ZCCHC7: variants seen among roughly 807,000 people sequenced by gnomAD.
The protein encoded by ZCCHC7 is zinc finger CCHC-type containing 7, also known as zinc finger CCHC domain-containing protein 7.
In ZCCHC7, 35 loss-of-function variants were observed where a neutral mutation model predicts 52.0. The observed-to-expected ratio is 0.67, with a 90% CI of 0.51 to 0.89. The LOEUF (loss-of-function observed/expected upper bound fraction) is 0.89. ZCCHC7 is among the 40% of genes least tolerant of loss of function. The pLI is 0.00. For synonymous variants in ZCCHC7, 217 were observed against 221.5 expected, an observed-to-expected ratio of 0.98 and a Z score of 0.18; for missense variants, 574 against 649.1, an observed-to-expected ratio of 0.88 and a Z score of 1.26.
At chr9:37,318,523 TTAAG>T (rs1416154078) in intron 5 of ZCCHC7, among the ~76,000 whole-genome samples, 2 of 151,976 alleles carry the variant, frequency 1.3e-5, no homozygotes, top group African/African-American at 2.4e-5. Flanking sequence ...TGCTAGTACA[TTAAG>T]TAAAACACAC....
chr9:37,337,082 A>C, intron 6 of ZCCHC7, among the ~76,000 whole-genome samples: 1 of 152,222 alleles, frequency 6.6e-6, no homozygotes, highest in East Asian at 1.9e-4. Context: ...TGATTAATGA[A>C]CTTTCTGATG....
intron 2 of ZCCHC7, among the ~76,000 whole-genome samples, chr9:37,156,628 A>G (rs748441444): frequency 2.6e-5 from 4 of 152,252 alleles, no homozygotes; most frequent in Non-Finnish European, 2.9e-5. Flanking sequence ...AATTCTTTAT[A>G]AAATAAATCA....
intron 2 of ZCCHC7, among the ~76,000 whole-genome samples, chr9:37,226,522 T>C (rs1369351752): frequency 1.3e-5 from 2 of 152,190 alleles, no homozygotes; most frequent in Admixed American, 1.3e-4. Flanking sequence ...GATTAGTATG[T>C]AGATGTATGG....
chr9:37,178,357 A>G (rs4878677), intron 2 of ZCCHC7, among the ~76,000 whole-genome samples: 119,734 of 119,998 alleles, frequency 1, 59,735 homozygotes, highest in Middle Eastern at 1. Context: ...TTGTACCCCC[A>G]CCTCCCCTCT....
chr9:37,228,594 C>G (rs966181101), intron 2 of ZCCHC7, among the ~76,000 whole-genome samples: 1 of 151,842 alleles, frequency 6.6e-6, no homozygotes, highest in African/African-American at 2.4e-5. Context: ...CCAGACTGGT[C>G]TTAAACTCAA....
intron 2 of ZCCHC7, among the ~76,000 whole-genome samples, chr9:37,291,311 A>G (rs1828525977): frequency 1.3e-5 from 2 of 152,038 alleles, no homozygotes; most frequent in Admixed American, 1.3e-4. Context: ...GGATATTGGT[A>G]GATGTTTTTT....
At chr9:37,241,901 G>C (rs893574506) in intron 2 of ZCCHC7, among the ~76,000 whole-genome samples, 1 of 151,752 alleles carries the variant, frequency 6.6e-6, no homozygotes, top group Non-Finnish European at 1.5e-5. Context: ...CCCTAAGTCA[G>C]TAGTGGCTCA....
intron 2 of ZCCHC7, among the ~76,000 whole-genome samples, chr9:37,180,029 A>T (rs1822263271): frequency 6.6e-6 from 1 of 152,168 alleles, no homozygotes; most frequent in Non-Finnish European, 1.5e-5. Flanking sequence ...AAGGAGAAAG[A>T]TAGGAAAAAC....
At chr9:37,290,647 G>A (rs1182667650) in intron 2 of ZCCHC7, among the ~76,000 whole-genome samples, 1 of 152,074 alleles carries the variant, frequency 6.6e-6, no homozygotes, top group Non-Finnish European at 1.5e-5. Flanking sequence ...GCGACAGAGT[G>A]AGACTCTGTC....
intron 2 of ZCCHC7, among the ~76,000 whole-genome samples, chr9:37,187,609 C>T (rs929298882): frequency 2.0e-5 from 3 of 152,158 alleles, no homozygotes; most frequent in African/African-American, 7.2e-5. Context: ...ATTGTTTCTA[C>T]TTCGGGAGAT....
At chr9:37,327,720 T>C in intron 5 of ZCCHC7, 79 bp from the exon 6 acceptor site, 1 of 1,508,268 alleles carries the variant, frequency 6.6e-7, no homozygotes, top group Non-Finnish European at 9.2e-7. Context: ...CACCGGTGGA[T>C]GCTGGGTTAT....
chr9:37,336,080 A>T (rs1042319927), intron 6 of ZCCHC7, among the ~76,000 whole-genome samples: 1 of 152,294 alleles, frequency 6.6e-6, no homozygotes, highest in South Asian at 2.1e-4. Context: ...GGCTTATGTT[A>T]ATCAGATAAG....
intron 5 of ZCCHC7, among the ~76,000 whole-genome samples, chr9:37,317,083 A>C (rs1222545804): frequency 6.6e-6 from 1 of 152,194 alleles, no homozygotes; most frequent in Non-Finnish European, 1.5e-5. Context: ...ATGATGAAGA[A>C]AATTATGGAC....
At chr9:37,142,988 G>A (rs1024206264) in intron 2 of ZCCHC7, among the ~76,000 whole-genome samples, 1 of 151,752 alleles carries the variant, frequency 6.6e-6, no homozygotes, top group African/African-American at 2.4e-5. Context: ...GGGTTTTATT[G>A]TGTGTGGCCT....
intron 2 of ZCCHC7, among the ~76,000 whole-genome samples, chr9:37,294,459 G>A (rs1828686448): frequency 6.6e-6 from 1 of 152,260 alleles, no homozygotes; most frequent in African/African-American, 2.4e-5. Flanking sequence ...CTATAAACAT[G>A]CAATTATCTT....
intron 7 of ZCCHC7, among the ~76,000 whole-genome samples, chr9:37,350,223 G>A (rs1361940524): frequency 1.3e-5 from 2 of 151,200 alleles, no homozygotes; most frequent in East Asian, 1.9e-4. Flanking sequence ...CCACCTCCTG[G>A]GTTCAAGCAA....
At chr9:37,208,555 A>T (rs1250564814) in intron 2 of ZCCHC7, among the ~76,000 whole-genome samples, 1 of 152,214 alleles carries the variant, frequency 6.6e-6, no homozygotes, top group African/African-American at 2.4e-5. Flanking sequence ...AACAGATCAT[A>T]TTGAGTGATG....
At chr9:37,253,923 G>C (rs1360750298) in intron 2 of ZCCHC7, among the ~76,000 whole-genome samples, 1 of 151,740 alleles carries the variant, frequency 6.6e-6, no homozygotes, top group African/African-American at 2.4e-5. Context: ...TTTTATACTG[G>C]AAATTAGGAG....
chr9:37,228,665 G>T (rs1662640985), intron 2 of ZCCHC7, among the ~76,000 whole-genome samples: 1 of 151,370 alleles, frequency 6.6e-6, no homozygotes, highest in South Asian at 2.1e-4. Flanking sequence ...CCCTGTTTCT[G>T]GCCTGATTTT....
Sources: allele counts gnomAD v4.1 joint callset (sites outside exome capture counted in the v4.1 genomes callset), GRCh38; gene constraint gnomAD v4.1.1; transcripts MANE v1.5; gene names NCBI Gene and HGNC (gene_info 2026-07-23, HGNC 2026-07-21).